The following CAMTA1 variants were observed in gnomAD, a reference collection of about 807,000 sequenced individuals.
CAMTA1 encodes the protein calmodulin binding transcription activator 1, also known as calmodulin-binding transcription activator 1.
In CAMTA1, 27 loss-of-function variants were observed where a neutral mutation model predicts 170.9. The ratio of observed to expected loss-of-function variants is 0.16; its 90% CI spans 0.12 to 0.22. The LOEUF (loss-of-function observed/expected upper bound fraction) is 0.22. Ranked by LOEUF, CAMTA1 falls within the 10% of genes least tolerant of loss-of-function variation. The pLI is 1.00. For missense variants in CAMTA1, 1,619 were observed against 2,217.2 expected (o/e 0.73, Z 5.42); for synonymous variants, 833 against 891.5 (o/e 0.93, Z 1.17).
chr1:6,871,988 C>G, intron 3 of CAMTA1: 1 of 1,207,750 alleles, frequency 8.3e-7, no homozygotes. Flanking sequence ...TCTTCATTTT[C>G]TGTATTAAAA....
intron 4 of CAMTA1, among the ~76,000 whole-genome samples, chr1:7,129,372 A>G (rs182672646): frequency 6.6e-6 from 1 of 152,118 alleles, no homozygotes; most frequent in Non-Finnish European, 1.5e-5. Context: ...CACTCAAGCC[A>G]GGTTGCTGTC....
At chr1:7,308,154 G>T (rs1675879574) in intron 5 of CAMTA1, among the ~76,000 whole-genome samples, 1 of 151,634 alleles carries the variant, frequency 6.6e-6, no homozygotes, top group Non-Finnish European at 1.5e-5. Flanking sequence ...ATGTGAAGTT[G>T]TTCACTGTTT....
chr1:7,212,262 C>G (rs548986020), intron 4 of CAMTA1, among the ~76,000 whole-genome samples: 1 of 152,040 alleles, frequency 6.6e-6, no homozygotes, highest in East Asian at 1.9e-4. Flanking sequence ...ATTTTATGGT[C>G]TCTCCCCATC....
intron 6 of CAMTA1, among the ~76,000 whole-genome samples, chr1:7,514,387 C>G (rs1264730088): frequency 6.6e-6 from 1 of 152,186 alleles, no homozygotes. Context: ...AAGGGAAGGG[C>G]ATGAGTGGGG....
chr1:7,507,098 AC>A (rs1295425257), intron 6 of CAMTA1, among the ~76,000 whole-genome samples: 3 of 151,458 alleles, frequency 2.0e-5, no homozygotes, highest in African/African-American at 7.3e-5. Context: ...TCACACCCAC[AC>A]TTACATGCTC....
intron 4 of CAMTA1, among the ~76,000 whole-genome samples, chr1:7,137,338 C>T (rs757571557): frequency 1.6e-4 from 24 of 152,170 alleles, no homozygotes; most frequent in African/African-American, 2.4e-5. Flanking sequence ...ATCACCGAAT[C>T]GCTGAAAGAC....
chr1:7,474,461 C>T (rs1434492141), intron 6 of CAMTA1, among the ~76,000 whole-genome samples: 2 of 152,186 alleles, frequency 1.3e-5, no homozygotes, highest in Non-Finnish European at 2.9e-5. Flanking sequence ...AAAATGTCAC[C>T]CAGTCCCTGG....
chr1:7,203,280 C>T (rs1039257858), intron 4 of CAMTA1, among the ~76,000 whole-genome samples: 2 of 151,998 alleles, frequency 1.3e-5, no homozygotes, highest in Non-Finnish European at 2.9e-5. Context: ...TTTATCCATA[C>T]CCATAAGAGA....
chr1:7,313,119 CTAGGG>C (rs1186915166), intron 5 of CAMTA1, among the ~76,000 whole-genome samples: 1 of 152,184 alleles, frequency 6.6e-6, no homozygotes, highest in Non-Finnish European at 1.5e-5. Context: ...GGGTTGTGAT[CTAGGG>C]TAGGGCCTCT....
At chr1:6,875,056 C>T (rs1426056698) in intron 3 of CAMTA1, among the ~76,000 whole-genome samples, 1 of 152,150 alleles carries the variant, frequency 6.6e-6, no homozygotes, top group Non-Finnish European at 1.5e-5. Flanking sequence ...GTGGTATGTT[C>T]ACCCCATTTT....
chr1:6,939,679 G>A (rs1448732208), intron 3 of CAMTA1, among the ~76,000 whole-genome samples: 2 of 151,946 alleles, frequency 1.3e-5, no homozygotes, highest in Non-Finnish European at 2.9e-5. Flanking sequence ...CCCTGGGGCA[G>A]GACTCAGCAC....
At position 7,067,231 on chromosome 1, in the gene CAMTA1, C is replaced by T. The variant is rs558727188; in HGVS notation, c.235-24073C>T. 6.6e-6 allele frequency among the ~76,000 whole-genome samples: 1 copy of T among 152,204 alleles called. No homozygotes were observed. Among genetic ancestry groups the T allele is most frequent in the Non-Finnish European group, 1.5e-5 (1 of 68,032 alleles). On this transcript the variant is annotated intron_variant, in intron 3 of 22. Coordinates refer to ENST00000303635, the MANE Select transcript of CAMTA1 (RefSeq NM_015215.4). The surrounding 1 kb of genome is among the most constrained non-coding windows in gnomAD (Gnocchi z 4.3). ...CATGGAAAAGGTGGAAGAGTTATCT[C>T]TGCTTCCTAGGGACGAAGGCCTCTC...
intron 6 of CAMTA1, among the ~76,000 whole-genome samples, chr1:7,546,588 C>T (rs1242074551): frequency 2.0e-5 from 3 of 152,164 alleles, no homozygotes; most frequent in Admixed American, 6.5e-5. Flanking sequence ...CACTGTCTTC[C>T]AAAATAGCCG....
intron 20 of CAMTA1, among the ~76,000 whole-genome samples, chr1:7,751,600 CCCACCCAATTATTTTGATATTG>C (rs1327226961): frequency 1.3e-5 from 2 of 152,098 alleles, no homozygotes; most frequent in African/African-American, 4.8e-5. Context: ...CTCTCCACCT[CCCACCCAATTATTTTGATATTG>C]CCACCCAATT....
chr1:7,433,095 G>A (rs925020259), intron 5 of CAMTA1, among the ~76,000 whole-genome samples: 40 of 152,260 alleles, frequency 2.6e-4, no homozygotes, highest in African/African-American at 9.6e-4. Context: ...CTTGGTCCCT[G>A]TGGCCTTATT....
chr1:6,850,517 T>C (rs1659978180), intron 3 of CAMTA1, among the ~76,000 whole-genome samples: 1 of 152,072 alleles, frequency 6.6e-6, no homozygotes, highest in South Asian at 2.1e-4. Context: ...ATTTTTCTGG[T>C]TGATGATAGA....
intron 1 of CAMTA1, among the ~76,000 whole-genome samples, chr1:6,786,173 C>T (rs1381437994): frequency 6.6e-6 from 1 of 151,956 alleles, no homozygotes; most frequent in Non-Finnish European, 1.5e-5. Flanking sequence ...GGCGGGGGGT[C>T]CCCGAGCTTC....
At chr1:7,384,292 G>T (rs1314365043) in intron 5 of CAMTA1, among the ~76,000 whole-genome samples, 1 of 152,198 alleles carries the variant, frequency 6.6e-6, no homozygotes, top group Non-Finnish European at 1.5e-5. Context: ...TGGCTCAGTG[G>T]CTTGGTTCCA....
At chr1:7,386,214 T>C (rs1021317648) in intron 5 of CAMTA1, among the ~76,000 whole-genome samples, 1 of 152,232 alleles carries the variant, frequency 6.6e-6, no homozygotes, top group African/African-American at 2.4e-5. Context: ...ACTGGCCACA[T>C]TTGTGCTAAA....
Sources: allele counts gnomAD v4.1 joint callset (sites outside exome capture counted in the v4.1 genomes callset), GRCh38; gene constraint gnomAD v4.1.1; non-coding constraint Gnocchi (gnomAD v3.1); transcripts MANE v1.5; gene names NCBI Gene and HGNC (gene_info 2026-07-23, HGNC 2026-07-21).